CSMD1: variants seen among roughly 807,000 people sequenced by gnomAD.
The protein encoded by CSMD1 is CUB and sushi domain-containing protein 1.
Under a neutral mutation model 417.5 loss-of-function variants are expected in CSMD1, and 213 were observed. The ratio of observed to expected loss-of-function variants is 0.51; its 90% CI spans 0.46 to 0.57. The LOEUF is 0.57. Among genes scored for constraint, CSMD1 ranks in the 20% least tolerant of loss-of-function variants. CSMD1 has a pLI of 0.00. For synonymous variants in CSMD1, 2,862 were observed against 1,736.8 expected (o/e 1.65, Z -16.11); for missense variants, 6,923 against 4,529.7 (o/e 1.53, Z -15.17).
chr8:4,213,477 C>T (rs1252072731), intron 3 of CSMD1, among the ~76,000 whole-genome samples: 1 of 152,184 alleles, frequency 6.6e-6, no homozygotes, highest in African/African-American at 2.4e-5. Flanking sequence ...TGGCCAGTTA[C>T]TAGAATGAAA....
intron 1 of CSMD1, among the ~76,000 whole-genome samples, chr8:4,950,181 T>C (rs1468402098): frequency 6.6e-6 from 1 of 152,214 alleles, no homozygotes. Context: ...TGTGCTATCA[T>C]AATCTTTGTA....
intron 3 of CSMD1, among the ~76,000 whole-genome samples, chr8:4,344,063 A>G (rs969818301): frequency 1.3e-5 from 2 of 152,182 alleles, no homozygotes; most frequent in African/African-American, 4.8e-5. Flanking sequence ...GCGTGTGCGC[A>G]CACACATACT....
chr8:3,227,630 T>C (rs1384254686), intron 27 of CSMD1, among the ~76,000 whole-genome samples: 1 of 152,186 alleles, frequency 6.6e-6, no homozygotes, highest in African/African-American at 2.4e-5. Context: ...AGTGGTGTAG[T>C]TGTGCCTTCT....
At chr8:3,719,928 G>C (rs574397427) in intron 6 of CSMD1, among the ~76,000 whole-genome samples, 4 of 152,084 alleles carry the variant, frequency 2.6e-5, no homozygotes, top group Non-Finnish European at 4.4e-5. Context: ...CCTCTAAATC[G>C]CAGATTCCTC....
intron 3 of CSMD1, among the ~76,000 whole-genome samples, chr8:4,205,015 C>A (rs1408489079): frequency 5.3e-5 from 8 of 152,234 alleles, no homozygotes; most frequent in African/African-American, 1.7e-4. Flanking sequence ...TTTTCTTTCT[C>A]ATGTATTCAA....
chr8:4,109,839 G>A (rs551902323), intron 3 of CSMD1, among the ~76,000 whole-genome samples: 5 of 152,246 alleles, frequency 3.3e-5, no homozygotes, highest in East Asian at 1.9e-4. Context: ...AACAGAGTAA[G>A]ATAAAAATAA....
intron 3 of CSMD1, among the ~76,000 whole-genome samples, chr8:4,075,082 T>C (rs1219926943): frequency 6.6e-6 from 1 of 152,160 alleles, no homozygotes; most frequent in Non-Finnish European, 1.5e-5. Flanking sequence ...TAATATTTCT[T>C]CAGTATTATT....
At chr8:3,056,862 T>G (rs942481982) in intron 49 of CSMD1, among the ~76,000 whole-genome samples, 1 of 151,988 alleles carries the variant, frequency 6.6e-6, no homozygotes, top group Non-Finnish European at 1.5e-5. Flanking sequence ...TATAAATATA[T>G]GTACACATAT....
In CSMD1 at chr8:3,298,012, G is replaced by T. The variant is rs146741897; in HGVS notation, c.3950+9683C>A. Among the ~76,000 whole-genome samples the T allele has an allele frequency of 1.4e-4, 22 of 152,272 alleles. No homozygotes were observed. In the East Asian group the frequency reaches 3.7e-3, roughly 25 times the overall value. On this transcript the variant is annotated intron_variant, in intron 25 of 69. Coordinates refer to ENST00000635120, the MANE Select transcript of CSMD1 (RefSeq NM_033225.6). ...TATAAAAAAGTGTTTACCTTGATCA[G>T]TCGTCAGGGAAATGCAAATAAAAAG... is the stretch of plus-strand genomic sequence containing the variant.
intron 1 of CSMD1, among the ~76,000 whole-genome samples, chr8:4,991,723 C>T (rs955818226): frequency 1.3e-5 from 2 of 152,194 alleles, no homozygotes; most frequent in African/African-American, 4.8e-5. Context: ...GTCACCCGGG[C>T]TTTGCTAGGC....
In CSMD1 at chr8:3,683,788, C is replaced by G. The variant is rs183153159; in HGVS notation, c.1009+24626G>C. 2.0e-4 allele frequency among the ~76,000 whole-genome samples: 30 copies of G among 152,254 alleles called. No homozygotes were observed. The East Asian group carries it at 4.1e-3, about 21-fold the overall frequency. On this transcript the variant is annotated intron_variant, in intron 7 of 69. Transcript: ENST00000635120. ...TTATGTTCTTCCAGTTAAACCACATCTGCTTTGTGTTAACTTGATAAAACC... is the reference window on the plus strand; with the variant it reads ...TTATGTTCTTCCAGTTAAACCACATGTGCTTTGTGTTAACTTGATAAAACC...
intron 5 of CSMD1, among the ~76,000 whole-genome samples, chr8:3,785,173 A>G (rs2129064838): frequency 6.6e-6 from 1 of 152,312 alleles, no homozygotes; most frequent in Admixed American, 6.5e-5. Flanking sequence ...GCCTGTCTGC[A>G]TGATGGAGAT....
chr8:2,943,585 T>C (rs1176711177), intron 68 of CSMD1, among the ~76,000 whole-genome samples: 2 of 152,216 alleles, frequency 1.3e-5, no homozygotes, highest in Non-Finnish European at 2.9e-5. Context: ...TCAAGTATCA[T>C]GAAGGTGATA....
chr8:4,348,496 G>C (rs537104318), intron 3 of CSMD1, among the ~76,000 whole-genome samples: 2 of 151,816 alleles, frequency 1.3e-5, no homozygotes, highest in East Asian at 3.9e-4. Flanking sequence ...CAAAAAGGTA[G>C]CTTAATAAGT....
intron 64 of CSMD1, 133 bp from the exon 65 acceptor site, chr8:2,954,401 T>C (rs971676652): frequency 9.2e-6 from 5 of 546,334 alleles, no homozygotes; most frequent in Admixed American, 3.6e-5. Flanking sequence ...ACCTTATACA[T>C]ATACATTTTA....
At chr8:4,598,514 G>A (rs1487910395) in intron 2 of CSMD1, among the ~76,000 whole-genome samples, 1 of 152,170 alleles carries the variant, frequency 6.6e-6, no homozygotes, top group Non-Finnish European at 1.5e-5. Flanking sequence ...AGCTACAGGT[G>A]TGGCTGCTTA....
chr8:3,991,087 C>A (rs1434677591), intron 5 of CSMD1, among the ~76,000 whole-genome samples: 3 of 152,198 alleles, frequency 2.0e-5, no homozygotes, highest in East Asian at 1.9e-4. Flanking sequence ...CGCTGCCCAG[C>A]GGCTTCATCC....
intron 1 of CSMD1, among the ~76,000 whole-genome samples, chr8:4,822,497 T>C (rs1242175357): frequency 6.6e-6 from 1 of 152,130 alleles, no homozygotes; most frequent in East Asian, 1.9e-4. Context: ...GAGATGTTTC[T>C]CATTTACCTG....
chr8:3,325,353 T>C lies in CSMD1; in HGVS notation c.3632-16850A>G, dbSNP rs183993471. 3.3e-5 allele frequency among the ~76,000 whole-genome samples: 5 copies of C among 152,366 alleles called. No homozygotes were observed. In the East Asian group the frequency reaches 5.8e-4, roughly 18 times the overall value. On this transcript the variant is annotated intron_variant, in intron 23 of 69. Coordinates refer to ENST00000635120, the MANE Select transcript of CSMD1 (RefSeq NM_033225.6). ...TCCTATCATAACATTTTAGATTTTATAGCATTTGATGATACCATCTGTTGG... is the reference window on the plus strand; with the variant it reads ...TCCTATCATAACATTTTAGATTTTACAGCATTTGATGATACCATCTGTTGG...
Sources: gnomAD v4.1 joint callset for allele counts (sites outside exome capture counted in the v4.1 genomes callset) on GRCh38, gnomAD v4.1.1 for gene constraint, MANE v1.5 for transcripts, NCBI Gene and HGNC (gene_info 2026-07-23, HGNC 2026-07-21) for gene names.